The following XKR9 variants were observed in gnomAD, a reference collection of about 807,000 sequenced individuals.
XKR9 encodes XK related 9.
A neutral mutation model predicts 32.0 loss-of-function variants in XKR9; 32 were observed. The ratio of observed to expected loss-of-function variants is 1.00; its 90% confidence interval spans 0.76 to 1.34. The LOEUF (loss-of-function observed/expected upper bound fraction) is 1.34, where lower values mean the gene tolerates loss of function less well. Among genes scored for constraint, XKR9 ranks in the 40% most tolerant of loss-of-function variants. XKR9 has a pLI of 0.00. For synonymous variants in XKR9, 168 were observed against 143.4 expected, an observed-to-expected ratio of 1.17 and a Z score of -1.22; for missense variants, 546 against 429.7, an observed-to-expected ratio of 1.27 and a Z score of -2.39.
chr8:70,893,458 C>A, the XKR9 span, among the ~76,000 whole-genome samples: 1 of 152,156 alleles, frequency 6.6e-6, no homozygotes, highest in Non-Finnish European at 1.5e-5. Context: ...TCTGGTGGAA[C>A]AATCATCTCT....
chr8:70,844,385 C>T, the XKR9 span, among the ~76,000 whole-genome samples: 2 of 152,194 alleles, frequency 1.3e-5, no homozygotes, highest in Non-Finnish European at 2.9e-5. Flanking sequence ...CCCTCCCTAA[C>T]CCAAGAGCCT....
the XKR9 span, among the ~76,000 whole-genome samples, chr8:70,924,622 A>G: frequency 6.6e-6 from 1 of 152,148 alleles, no homozygotes; most frequent in Non-Finnish European, 1.5e-5. Context: ...TCCACGTGGC[A>G]GATTCCTACA....
At chr8:70,967,065 C>CTTTTTTTTTTTTTTTTTTTT in the XKR9 span, among the ~76,000 whole-genome samples, 51 of 101,238 alleles carry the variant, frequency 5.0e-4, 8 homozygotes, top group African/African-American at 1.5e-3. Flanking sequence ...GATCTTGACT[C>CTTTTTTTTTTTTTTTTTTTT]TTTTTTTTTT....
the XKR9 span, among the ~76,000 whole-genome samples, chr8:71,025,444 C>A: frequency 6.6e-6 from 1 of 152,218 alleles, no homozygotes; most frequent in African/African-American, 2.4e-5. Flanking sequence ...TTGAATATTT[C>A]TTTGCAAACA....
At chr8:70,810,390 C>T in the XKR9 span, among the ~76,000 whole-genome samples, 45 of 152,276 alleles carry the variant, frequency 3.0e-4, no homozygotes, top group African/African-American at 3.9e-4. Context: ...AACTAACTAG[C>T]AAAATAACCA....
the XKR9 span, among the ~76,000 whole-genome samples, chr8:70,959,002 T>C: frequency 3.3e-5 from 5 of 152,178 alleles, no homozygotes; most frequent in Admixed American, 6.5e-5. Flanking sequence ...TATGTTTTAA[T>C]TACATTTTAC....
chr8:70,972,120 T>A, the XKR9 span, among the ~76,000 whole-genome samples: 2 of 152,186 alleles, frequency 1.3e-5, no homozygotes, highest in African/African-American at 4.8e-5. Context: ...GTTTGTGTCA[T>A]CTATGATTTC....
the XKR9 span, among the ~76,000 whole-genome samples, chr8:70,837,977 A>G: frequency 6.6e-6 from 1 of 152,108 alleles, no homozygotes; most frequent in Non-Finnish European, 1.5e-5. Context: ...ATCTCTTTCT[A>G]CTTAAGGCTT....
intron 3 of XKR9, among the ~76,000 whole-genome samples, chr8:70,692,203 T>C (rs1805097511): frequency 6.6e-6 from 1 of 152,192 alleles, no homozygotes; most frequent in South Asian, 2.1e-4. Context: ...GCCTTTCTTA[T>C]TTGGCTCTCA....
chr8:71,053,289 A>G, the XKR9 span, among the ~76,000 whole-genome samples: 1 of 152,224 alleles, frequency 6.6e-6, no homozygotes, highest in East Asian at 1.9e-4. Flanking sequence ...TCCGGAGTAT[A>G]GCCTGGGAGT....
intron 4 of XKR9, among the ~76,000 whole-genome samples, chr8:70,718,656 C>CT (rs1806172108): frequency 2.0e-5 from 3 of 152,096 alleles, no homozygotes; most frequent in South Asian, 4.1e-4. Flanking sequence ...TGAACTCATT[C>CT]TTTTTTATGG....
chr8:70,963,721 A>G, the XKR9 span, among the ~76,000 whole-genome samples: 1 of 152,220 alleles, frequency 6.6e-6, no homozygotes, highest in Non-Finnish European at 1.5e-5. Flanking sequence ...ATGATCAGCT[A>G]TGTTGAGCTT....
At chr8:70,978,481 C>T in the XKR9 span, among the ~76,000 whole-genome samples, 16 of 152,246 alleles carry the variant, frequency 1.1e-4, no homozygotes, top group South Asian at 3.1e-3. Flanking sequence ...TTTTATTTCT[C>T]CTTCACTTTT....
chr8:70,741,800 A>G (rs1806988882), intron 2 of XKR9, among the ~76,000 whole-genome samples: 1 of 152,154 alleles, frequency 6.6e-6, no homozygotes, highest in Admixed American at 6.5e-5. Context: ...TCACGTGGTA[A>G]TTCTGTTTTA....
At chr8:71,052,876 C>G in the XKR9 span, among the ~76,000 whole-genome samples, 1 of 152,168 alleles carries the variant, frequency 6.6e-6, no homozygotes, top group Non-Finnish European at 1.5e-5. Context: ...CAGGCTGGGA[C>G]TCTGGAGAGC....
intron 2 of XKR9, among the ~76,000 whole-genome samples, chr8:70,675,720 A>T (rs1167135117): frequency 6.6e-6 from 1 of 152,154 alleles, no homozygotes; most frequent in Non-Finnish European, 1.5e-5. Flanking sequence ...GAGGCATAAC[A>T]TGGGTGATCT....
At chr8:71,018,225 T>C in the XKR9 span, among the ~76,000 whole-genome samples, 1 of 152,078 alleles carries the variant, frequency 6.6e-6, no homozygotes, top group Admixed American at 6.5e-5. Flanking sequence ...AGTGTGAGTA[T>C]ACAAAAATAG....
chr8:70,888,016 A>G, the XKR9 span, among the ~76,000 whole-genome samples: 1 of 152,230 alleles, frequency 6.6e-6, no homozygotes, highest in South Asian at 2.1e-4. Flanking sequence ...TTCAAAGGGA[A>G]TGCTTCCAGC....
the XKR9 span, among the ~76,000 whole-genome samples, chr8:70,801,738 A>T: frequency 6.6e-6 from 1 of 152,042 alleles, no homozygotes; most frequent in Non-Finnish European, 1.5e-5. Flanking sequence ...TGGCTCAGTG[A>T]TCTGTAATAC....
Sources: gnomAD v4.1 joint callset for allele counts (sites outside exome capture counted in the v4.1 genomes callset) on GRCh38, gnomAD v4.1.1 for gene constraint, MANE v1.5 for transcripts, NCBI Gene and HGNC (gene_info 2026-07-23, HGNC 2026-07-21) for gene names.